The following SPTBN4 variants were observed in gnomAD, a reference collection of about 807,000 sequenced individuals.
SPTBN4 encodes spectrin beta, non-erythrocytic 4.
Under a neutral mutation model 277.8 loss-of-function variants are expected in SPTBN4, and 96 were observed. That is an observed-to-expected ratio of 0.35 (90% CI 0.29 to 0.41). The LOEUF (loss-of-function observed/expected upper bound fraction) is 0.41, where lower values mean the gene tolerates loss of function less well. Among genes scored for constraint, SPTBN4 ranks in the 10% least tolerant of loss-of-function variants. The pLI is 1.00. For missense variants in SPTBN4, 3,006 were observed against 3,595.7 expected, an observed-to-expected ratio of 0.84 and a Z score of 4.19; for synonymous variants, 1,481 against 1,580.3, an observed-to-expected ratio of 0.94 and a Z score of 1.49.
rs1675389 is a variant in SPTBN4 at position 40,570,843 on chromosome 19, C to G, written c.7319+115C>G. On this transcript the variant is annotated intron_variant, in intron 33 of 35. Transcript: ENST00000598249. The stretch of plus-strand genomic sequence containing the variant: ...CAACTTCAGGCCCTCCAGCAGGTGG[C>G]GGTAGTAGGTGGGGCCAGAGCTGGG... 843,854 of 1,115,126 alleles carry G rather than the reference C, an allele frequency of 0.76. 322,995 individuals are homozygous for G. The highest frequency in any genetic ancestry group is 0.94 in the African/African-American group (56,674 of 60,024). 69.1% of individuals were successfully genotyped at this position (1,115,126 alleles called of 1,614,324 possible).
chr19:40,532,540 C>A (rs752982791), intron 18 of SPTBN4, 85 bp from the exon 19 acceptor site: 2 of 1,515,176 alleles, frequency 1.3e-6, no homozygotes, highest in Admixed American at 1.9e-5. Context: ...GCAGCCCAGG[C>A]CCTGAACCTG....
chr19:40,487,962 A>G (rs1405685449), intron 3 of SPTBN4, 114 bp downstream of exon 3: 1 of 1,242,554 alleles, frequency 8.0e-7, no homozygotes, highest in African/African-American at 1.5e-5. Context: ...GGGCGAGTGG[A>G]ACGTGCTGGA....
chr19:40,531,460 GTTTGTTTTTTTTTTTT>G (rs2080670345), intron 18 of SPTBN4, among the ~76,000 whole-genome samples: 1 of 81,402 alleles, frequency 1.2e-5, no homozygotes, highest in Non-Finnish European at 2.2e-5. Context: ...GGAGTCCAGT[GTTTGTTTTTTTTTTTT>G]TTTTTTTTTT....
chr19:40,543,146 T>C (rs1010263095), intron 20 of SPTBN4, among the ~76,000 whole-genome samples: 4 of 152,030 alleles, frequency 2.6e-5, no homozygotes, highest in Admixed American at 1.3e-4. Context: ...CACACACATT[T>C]TCCTGGCGAA....
Position 40,486,913 on chromosome 19 carries a change from G to T in SPTBN4, c.170-784G>T, listed in dbSNP as rs528226997. 1.7e-3 allele frequency among the ~76,000 whole-genome samples: 260 copies of T among 152,312 alleles called. 1 individual carries two copies. Among genetic ancestry groups the T allele is most frequent in the African/African-American group, 6.0e-3 (249 of 41,578 alleles). The stretch of plus-strand genomic sequence containing the variant: ...AGAGCCAACTGGGGTCACAAGCAGG[G>T]AAGGCTTCCTGTGCAAGTGACATGT... On this transcript the variant is annotated intron_variant, in intron 2 of 35. Transcript: ENST00000598249.
At position 40,554,455 on chromosome 19, in the gene SPTBN4, TG is replaced by T; in HGVS notation, c.4953+35del. 6.6e-7 allele frequency: 1 copy of T among 1,509,596 alleles called. No individual in the cohort carries two copies. The highest frequency in any genetic ancestry group is 2.2e-5 in the Admixed American group (1 of 45,278). 93.5% of individuals were successfully genotyped at this position (1,509,596 alleles called of 1,614,324 possible). A position where few individuals can be genotyped will look rare whatever the true frequency, so the allele number is the denominator to read the frequency against. ...GCCCGAGCTGGGGGTGCGGAGGGCC[TG>T]GGGGCGCTGGAGCCGGGGGCCGCCG... On this transcript the variant is annotated intron_variant, in intron 23 of 35. Coordinates refer to ENST00000598249, the MANE Select transcript of SPTBN4 (RefSeq NM_020971.3). The surrounding 1 kb of genome is among the most constrained non-coding windows in gnomAD (Gnocchi z 5.7).
intron 20 of SPTBN4, among the ~76,000 whole-genome samples, chr19:40,540,433 G>A (rs911498792): frequency 2.6e-5 from 4 of 151,484 alleles, no homozygotes; most frequent in African/African-American, 7.3e-5. Flanking sequence ...TGATAGATGG[G>A]GTCTCACTAT....
Position 40,570,508 on chromosome 19 carries a change from C to T in SPTBN4, c.7099C>T (p.Pro2367Ser), listed in dbSNP as rs1233128652. 4 of 1,530,930 alleles carry T rather than the reference C, an allele frequency of 2.6e-6. No individual in the cohort carries two copies. Among genetic ancestry groups the T allele is most frequent in the Non-Finnish European group, 3.5e-6 (4 of 1,147,084 alleles). 94.8% of individuals were successfully genotyped at this position (1,530,930 alleles called of 1,614,324 possible). Residue 2367 changes from proline to serine, a missense_variant, in exon 33 of 36, where the codon CCT becomes TCT. Physicochemically the swap from Pro to Ser is moderately conservative, Grantham distance 74. This residue lies in a region of SPTBN4 where 630 missense variants were observed against 677.6 expected (regional missense o/e 0.93). Coordinates refer to ENST00000598249, the MANE Select transcript of SPTBN4 (RefSeq NM_020971.3). ...PNGLELPERT[P>S]RPDRPRARDR... ...CGGGCTTGAGCTGCCCGAGCGGACA[C>T]CTCGGCCGGACCGGCCCCGGGCGCG...
At chr19:40,570,860 A>G in intron 33 of SPTBN4, 132 bp downstream of exon 33, 1 of 920,970 alleles carries the variant, frequency 1.1e-6, no homozygotes, top group South Asian at 2.5e-5. Flanking sequence ...AGGTGGGGCC[A>G]GAGCTGGGGG....
intron 19 of SPTBN4, 128 bp from the exon 20 acceptor site, chr19:40,533,952 T>C: frequency 8.2e-7 from 1 of 1,212,760 alleles, no homozygotes; most frequent in South Asian, 1.5e-5. Flanking sequence ...CCTATGTGTC[T>C]CCCACTCCCT....
intron 7 of SPTBN4, 26 bp from the exon 8 acceptor site, chr19:40,501,895 G>A (rs367969538): frequency 1.4e-5 from 22 of 1,604,238 alleles, no homozygotes; most frequent in Non-Finnish European, 1.0e-5. Flanking sequence ...CCACTGTCTT[G>A]TTTCCCCACT....
In SPTBN4 at chr19:40,467,119, A is replaced by T. The variant is rs1285277367; in HGVS notation, c.-202A>T. ...GGGAGGGGGTCCCGGGGGCGCGCTG[A>T]GCGCGGCGGCGGCGCGAGAGAGGGA... On this transcript the variant is annotated 5_prime_UTR_variant, in exon 1 of 36. Coordinates refer to ENST00000598249, the MANE Select transcript of SPTBN4 (RefSeq NM_020971.3). 1 of 148,156 alleles carries T rather than the reference A, an allele frequency of 6.7e-6. No individual in the cohort carries two copies. The highest frequency in any genetic ancestry group is 2.0e-4 in the East Asian group (1 of 5,020). The allele number at this position is 148,156 out of a possible 1,614,324, so 9.2% of individuals were successfully genotyped here.
chr19:40,493,280 C>A (rs1267311002), intron 5 of SPTBN4, among the ~76,000 whole-genome samples: 1 of 152,176 alleles, frequency 6.6e-6, no homozygotes, highest in Admixed American at 6.5e-5. Flanking sequence ...TGAACTTGCT[C>A]TGTCACCCAG....
chr19:40,477,058 A>G (rs188875668), intron 2 of SPTBN4, among the ~76,000 whole-genome samples: 18 of 149,664 alleles, frequency 1.2e-4, no homozygotes, highest in East Asian at 3.9e-4. Flanking sequence ...TATCATTATC[A>G]TTATTATTAT....
intron 13 of SPTBN4, among the ~76,000 whole-genome samples, chr19:40,511,279 G>A (rs891358566): frequency 5.3e-5 from 8 of 151,756 alleles, no homozygotes; most frequent in Non-Finnish European, 7.4e-5. Context: ...ATGGTGGCAC[G>A]CGCCTGTAAT....
chr19:40,555,871 C>A (rs2080972162), intron 24 of SPTBN4, among the ~76,000 whole-genome samples: 1 of 151,654 alleles, frequency 6.6e-6, no homozygotes, highest in Non-Finnish European at 1.5e-5. Flanking sequence ...GAGTTGTGAT[C>A]ACACCACTGC....
At chr19:40,525,325 T>TC (rs2080577956) in intron 17 of SPTBN4, among the ~76,000 whole-genome samples, 1 of 150,632 alleles carries the variant, frequency 6.6e-6, no homozygotes, top group Non-Finnish European at 1.5e-5. Flanking sequence ...TTCCACTTTT[T>TC]TTTTTTTTTT....
intron 29 of SPTBN4, 41 bp from the exon 30 acceptor site, chr19:40,566,122 C>A: frequency 6.9e-7 from 1 of 1,455,336 alleles, no homozygotes; most frequent in South Asian, 1.5e-5. Flanking sequence ...AGGAAGGGCC[C>A]CAGATGCCCC....
chr19:40,563,631 G>A (rs1023339876), intron 27 of SPTBN4, among the ~76,000 whole-genome samples: 2 of 108,030 alleles, frequency 1.9e-5, no homozygotes, highest in Non-Finnish European at 3.8e-5. Context: ...CAGGTGATCC[G>A]CCCGCCTCAG....
Sources: allele counts gnomAD v4.1 joint callset (sites outside exome capture counted in the v4.1 genomes callset), GRCh38; gene constraint gnomAD v4.1.1; regional missense constraint gnomAD v4.1.1; non-coding constraint Gnocchi (gnomAD v3.1); transcripts MANE v1.5; gene names NCBI Gene and HGNC (gene_info 2026-07-23, HGNC 2026-07-21).